The following FER1L6 variants were observed in gnomAD, a reference collection of about 807,000 sequenced individuals.
FER1L6 encodes fer-1 like family member 6.
FER1L6 carries 177 observed loss-of-function variants against 219.2 expected under a neutral mutation model. The ratio of observed to expected loss-of-function variants is 0.81; its 90% CI spans 0.71 to 0.91. The LOEUF is 0.91. Among genes scored for constraint, FER1L6 ranks in the 40% least tolerant of loss-of-function variants. The pLI, the probability that FER1L6 is intolerant of heterozygous loss-of-function variation, is 0.00. For synonymous variants in FER1L6, 768 were observed against 824.3 expected, an observed-to-expected ratio of 0.93 and a Z score of 1.17; for missense variants, 2,153 against 2,259.9, an observed-to-expected ratio of 0.95 and a Z score of 0.96.
intron 1 of FER1L6, among the ~76,000 whole-genome samples, chr8:123,885,269 T>C (rs188146551): frequency 3.4e-4 from 52 of 152,312 alleles, no homozygotes; most frequent in Admixed American, 2.7e-3. Context: ...GTGTGGATTT[T>C]CTCTTTTTCC....
chr8:123,958,379 G>A (rs1329303882), intron 2 of FER1L6, among the ~76,000 whole-genome samples: 1 of 152,160 alleles, frequency 6.6e-6, no homozygotes, highest in Non-Finnish European at 1.5e-5. Context: ...CCAGCAGGAG[G>A]CGTGGGAGGG....
At chr8:123,919,082 G>A (rs951824668) in intron 1 of FER1L6, among the ~76,000 whole-genome samples, 3 of 152,130 alleles carry the variant, frequency 2.0e-5, no homozygotes, top group Non-Finnish European at 2.9e-5. Flanking sequence ...AGAACACTTC[G>A]TAGGAGAGTG....
chr8:123,964,982 TCC>T (rs906751384), intron 3 of FER1L6, among the ~76,000 whole-genome samples: 15 of 152,210 alleles, frequency 9.9e-5, no homozygotes, highest in African/African-American at 3.6e-4. Flanking sequence ...TTTTTGTTTT[TCC>T]CCTGAATCTG....
chr8:124,075,028 A>C (rs1821220028), intron 31 of FER1L6, among the ~76,000 whole-genome samples: 1 of 152,192 alleles, frequency 6.6e-6, no homozygotes, highest in African/African-American at 2.4e-5. Context: ...CTGAGTGGTG[A>C]GTGAATGTGA....
At chr8:124,097,940 C>A in intron 37 of FER1L6, 57 bp downstream of exon 37, 1 of 945,896 alleles carries the variant, frequency 1.1e-6, no homozygotes, top group Non-Finnish European at 1.7e-6. Context: ...CCTTTTTAAA[C>A]CCTAACTAAA....
Position 123,950,420 on chromosome 8 carries a change from T to G in FER1L6, c.-7-5572T>G, listed in dbSNP as rs543301562. 7.9e-4 allele frequency among the ~76,000 whole-genome samples: 121 copies of G among 152,308 alleles called. No individual in the cohort carries two copies. The South Asian group carries it at 0.012, about 16-fold the overall frequency. On this transcript the variant is annotated intron_variant, in intron 1 of 40. Transcript: ENST00000522917. ...TGCCTCCATTTTCCTGGGGCAGTCC[T>G]ACAGCCTTGCCCTCTTGCCATTTTG...
intron 12 of FER1L6, among the ~76,000 whole-genome samples, chr8:123,995,558 T>G (rs1485822972): frequency 6.6e-6 from 1 of 152,146 alleles, no homozygotes; most frequent in Non-Finnish European, 1.5e-5. Context: ...TTGGGTCTTC[T>G]CTTTTTTTTT....
chr8:124,003,424 C>T, intron 13 of FER1L6, 77 bp downstream of exon 13: 6 of 408,240 alleles, frequency 1.5e-5, no homozygotes, highest in South Asian at 8.8e-5. Context: ...CTGTTTTCTT[C>T]AGTTCTTCAC....
At chr8:123,983,570 G>A (rs1370397342) in intron 11 of FER1L6, among the ~76,000 whole-genome samples, 1 of 152,170 alleles carries the variant, frequency 6.6e-6, no homozygotes, top group East Asian at 1.9e-4. Context: ...TGGAGTGAGT[G>A]AAGTATAATT....
chr8:124,056,913 G>A (rs919724860), intron 22 of FER1L6, among the ~76,000 whole-genome samples: 5 of 152,100 alleles, frequency 3.3e-5, no homozygotes, highest in Admixed American at 6.5e-5. Flanking sequence ...GCGCGGTGGC[G>A]TGCAATTGTA....
chr8:123,863,982 T>TA (rs1403769226), intron 1 of FER1L6, among the ~76,000 whole-genome samples: 1 of 149,226 alleles, frequency 6.7e-6, no homozygotes, highest in Non-Finnish European at 1.5e-5. Context: ...CCATTTACAT[T>TA]TAAAGTTAAT....
intron 12 of FER1L6, among the ~76,000 whole-genome samples, chr8:123,990,364 T>G (rs985239465): frequency 2.0e-5 from 3 of 152,234 alleles, no homozygotes; most frequent in African/African-American, 7.2e-5. Flanking sequence ...CATTCCCTTT[T>G]CACCACATTC....
At chr8:124,048,561 A>G (rs973478449) in intron 21 of FER1L6, among the ~76,000 whole-genome samples, 5 of 152,222 alleles carry the variant, frequency 3.3e-5, no homozygotes, top group African/African-American at 9.7e-5. Context: ...ACATACAAAA[A>G]TATTTTAATA....
chr8:123,858,501 G>A (rs1816687501), intron 1 of FER1L6, among the ~76,000 whole-genome samples: 1 of 152,210 alleles, frequency 6.6e-6, no homozygotes, highest in African/African-American at 2.4e-5. Context: ...CTAGTGGAAT[G>A]AGGTTGGGTC....
chr8:123,948,079 G>A (rs777713510), intron 1 of FER1L6, among the ~76,000 whole-genome samples: 1 of 152,134 alleles, frequency 6.6e-6, no homozygotes, highest in African/African-American at 2.4e-5. Flanking sequence ...AGGTTGAGCT[G>A]GTTTTTAAAT....
At chr8:124,032,565 C>T (rs777559315) in intron 18 of FER1L6, among the ~76,000 whole-genome samples, 28 of 151,978 alleles carry the variant, frequency 1.8e-4, no homozygotes, top group South Asian at 2.1e-4. Context: ...CCCATCTCTA[C>T]CTCCCAAAAA....
intron 19 of FER1L6, among the ~76,000 whole-genome samples, chr8:124,036,835 AC>A (rs1280936234): frequency 2.6e-5 from 4 of 152,324 alleles, no homozygotes; most frequent in African/African-American, 9.6e-5. Context: ...CCTGCTGTGC[AC>A]TGGCATTGAT....
intron 37 of FER1L6, 40 bp from the exon 38 acceptor site, chr8:124,101,057 T>A: frequency 1.3e-6 from 2 of 1,596,752 alleles, no homozygotes; most frequent in South Asian, 2.2e-5. Flanking sequence ...GCCTGGAGAA[T>A]GTACTCTGAG....
chr8:124,000,373 T>C (rs1817347317), intron 12 of FER1L6, among the ~76,000 whole-genome samples: 1 of 152,242 alleles, frequency 6.6e-6, no homozygotes, highest in South Asian at 2.1e-4. Flanking sequence ...CTGGTTCTTA[T>C]GAAGGTGCTT....
Sources: allele counts gnomAD v4.1 joint callset (sites outside exome capture counted in the v4.1 genomes callset), GRCh38; gene constraint gnomAD v4.1.1; transcripts MANE v1.5; gene names NCBI Gene and HGNC (gene_info 2026-07-23, HGNC 2026-07-21).